Variants in CNTLN observed in about 807,000 individuals in gnomAD.
CNTLN encodes the protein centlein, centrosomal protein.
A neutral mutation model predicts 180.0 loss-of-function variants in CNTLN; 212 were observed. The observed-to-expected ratio is 1.18, with a 90% confidence interval of 1.05 to 1.32. CNTLN has a LOEUF of 1.32. CNTLN is among the 40% of genes most tolerant of loss of function. CNTLN has a pLI of 0.00. For synonymous variants in CNTLN, 722 were observed against 563.1 expected (o/e 1.28, Z -3.99); for missense variants, 2,095 against 1,610.9 (o/e 1.30, Z -5.14).
chr9:17,136,350 A>G (rs1586878807), intron 1 of CNTLN, among the ~76,000 whole-genome samples: 1 of 152,292 alleles, frequency 6.6e-6, no homozygotes. Flanking sequence ...AAAACAGTTC[A>G]TGAAATTCAT....
chr9:17,159,144 A>G (rs567619038), intron 2 of CNTLN, among the ~76,000 whole-genome samples: 1 of 152,048 alleles, frequency 6.6e-6, no homozygotes, highest in South Asian at 2.1e-4. Flanking sequence ...TCCAATTTTG[A>G]TTCTGATTTC....
At chr9:17,190,409 A>G (rs1821722158) in intron 2 of CNTLN, among the ~76,000 whole-genome samples, 2 of 152,072 alleles carry the variant, frequency 1.3e-5, no homozygotes, top group South Asian at 4.2e-4. Context: ...TTGTGAACAG[A>G]TAGTAAATGA....
downstream of CNTLN, among the ~76,000 whole-genome samples, chr9:17,504,786 G>T (rs1040138834): frequency 6.6e-6 from 1 of 152,152 alleles, no homozygotes; most frequent in Non-Finnish European, 1.5e-5. Flanking sequence ...ACCAGAAAAG[G>T]CAAGGAAACA....
chr9:17,478,498 T>A (rs958401421), intron 23 of CNTLN, among the ~76,000 whole-genome samples: 3 of 152,232 alleles, frequency 2.0e-5, no homozygotes, highest in Non-Finnish European at 4.4e-5. Context: ...TCATAGAGAT[T>A]TTTTAAAATG....
intron 2 of CNTLN, among the ~76,000 whole-genome samples, chr9:17,157,160 G>C (rs1586945506): frequency 1.3e-5 from 2 of 152,208 alleles, no homozygotes; most frequent in East Asian, 3.9e-4. Flanking sequence ...AGCATGTTTT[G>C]AGAAGACTCT....
intron 12 of CNTLN, among the ~76,000 whole-genome samples, chr9:17,363,334 C>CA (rs1234567796): frequency 6.6e-6 from 1 of 152,142 alleles, no homozygotes; most frequent in African/African-American, 2.4e-5. Flanking sequence ...TTTACATTTC[C>CA]ACCAGCAGTG....
intron 18 of CNTLN, among the ~76,000 whole-genome samples, chr9:17,428,185 C>T (rs187102087): frequency 3.2e-4 from 48 of 152,196 alleles, no homozygotes; most frequent in Non-Finnish European, 5.4e-4. Flanking sequence ...GAGTCACTTT[C>T]AGGTTTATTA....
At chr9:17,151,645 G>C (rs912831834) in intron 2 of CNTLN, among the ~76,000 whole-genome samples, 2 of 152,162 alleles carry the variant, frequency 1.3e-5, no homozygotes, top group Non-Finnish European at 2.9e-5. Flanking sequence ...TCTCTGCCAG[G>C]TTTTGGTATC....
intron 9 of CNTLN, 54 bp downstream of exon 9, chr9:17,330,862 G>C: frequency 6.7e-7 from 1 of 1,492,632 alleles, no homozygotes; most frequent in Non-Finnish European, 9.0e-7. Flanking sequence ...GGAAAGACAA[G>C]AGATGAAGTT....
At chr9:17,215,646 A>AG (rs755254137) in intron 2 of CNTLN, among the ~76,000 whole-genome samples, 13 of 152,200 alleles carry the variant, frequency 8.5e-5, no homozygotes, top group Middle Eastern at 3.4e-3. Flanking sequence ...CCCTGCCCCC[A>AG]GGGGTGGAGT....
At chr9:17,167,691 G>A (rs1820167954) in intron 2 of CNTLN, 1 of 152,170 alleles carries the variant, frequency 6.6e-6, no homozygotes, top group Non-Finnish European at 1.5e-5. Context: ...TAAACAGTGA[G>A]GTTGTTAATA....
chr9:17,371,352 A>G (rs1246051288), intron 13 of CNTLN, among the ~76,000 whole-genome samples: 2 of 152,194 alleles, frequency 1.3e-5, no homozygotes, highest in South Asian at 2.1e-4. Context: ...ATAGATTTCA[A>G]GCAAAAACTG....
chr9:17,414,944 G>A (rs1234731474), intron 16 of CNTLN, among the ~76,000 whole-genome samples: 1 of 152,036 alleles, frequency 6.6e-6, no homozygotes, highest in Non-Finnish European at 1.5e-5. Context: ...TCAAAAATTA[G>A]CTGGGGGTGG....
intron 2 of CNTLN, among the ~76,000 whole-genome samples, chr9:17,155,037 C>T (rs1819171600): frequency 6.6e-6 from 1 of 152,126 alleles, no homozygotes. Flanking sequence ...GAACAGACGA[C>T]TCTGGATGCG....
intron 18 of CNTLN, chr9:17,444,078 G>A (rs1430875603): frequency 6.6e-6 from 1 of 151,642 alleles, no homozygotes; most frequent in Admixed American, 6.6e-5. Flanking sequence ...ACTAACATAA[G>A]AAAAAAAACA....
chr9:17,364,801 G>A (rs112003317), intron 12 of CNTLN, among the ~76,000 whole-genome samples: 73 of 152,082 alleles, frequency 4.8e-4, no homozygotes, highest in African/African-American at 1.6e-3. Flanking sequence ...GTATACTCTG[G>A]CCATATGTCC....
In CNTLN at chr9:17,486,998, A is replaced by G. The variant is rs1269475699; in HGVS notation, c.4051A>G (p.Lys1351Glu). 2 of 1,576,452 alleles carry G rather than the reference A, an allele frequency of 1.3e-6. No homozygotes were observed. The highest frequency in any genetic ancestry group is 1.7e-6 in the Non-Finnish European group (2 of 1,167,652). Residue 1351 changes from lysine (K) to glutamate (E), a missense_variant, in exon 25 of 26, where the codon AAA becomes GAA. Coordinates refer to ENST00000380647, the MANE Select transcript of CNTLN (RefSeq NM_017738.4). ...TATTTTTTTTCTTCAGGAAATTGAAAAAACAAAAATTGATGCTGAAAATGA... is the reference window on the plus strand; with the variant it reads ...TATTTTTTTTCTTCAGGAAATTGAAGAAACAAAAATTGATGCTGAAAATGA... ...LDTEDQVEIE[K>E]TKIDAENDKE...
At chr9:17,486,563 A>G (rs1415587958) in intron 24 of CNTLN, among the ~76,000 whole-genome samples, 6 of 152,096 alleles carry the variant, frequency 3.9e-5, no homozygotes, top group African/African-American at 9.7e-5. Flanking sequence ...GCCATGTTCT[A>G]TTCTGTTTGT....
chr9:17,147,228 T>C (rs920864626), intron 2 of CNTLN, among the ~76,000 whole-genome samples: 1 of 152,192 alleles, frequency 6.6e-6, no homozygotes, highest in African/African-American at 2.4e-5. Context: ...GTTAGGTCCT[T>C]TAAGTCAGGC....
Sources: allele counts gnomAD v4.1 joint callset (sites outside exome capture counted in the v4.1 genomes callset), GRCh38; gene constraint gnomAD v4.1.1; transcripts MANE v1.5; gene names NCBI Gene and HGNC (gene_info 2026-07-23, HGNC 2026-07-21).